ATG2A: variants seen among roughly 807,000 people sequenced by gnomAD.
The protein encoded by ATG2A is autophagy related 2A.
ATG2A carries 103 observed loss-of-function variants against 214.2 expected under a neutral mutation model. The ratio of observed to expected loss-of-function variants is 0.48; its 90% CI spans 0.41 to 0.57. The LOEUF (loss-of-function observed/expected upper bound fraction) is 0.57, where lower values mean the gene tolerates loss of function less well. Among genes scored for constraint, ATG2A ranks in the 20% least tolerant of loss-of-function variants. The pLI is 0.00. For synonymous variants in ATG2A, 1,160 were observed against 1,142.1 expected, an observed-to-expected ratio of 1.02 and a Z score of -0.32; for missense variants, 2,312 against 2,613.2, an observed-to-expected ratio of 0.88 and a Z score of 2.51.
At chr11:64,914,646 C>A in intron 1 of ATG2A, 146 bp from the exon 2 acceptor site, 1 of 1,094,872 alleles carries the variant, frequency 9.1e-7, no homozygotes, top group East Asian at 2.6e-5. Context: ...CACCTATGCT[C>A]ATGCTGTCCC....
chr11:64,899,105 A>G (rs562973493), intron 31 of ATG2A, among the ~76,000 whole-genome samples: 1 of 152,190 alleles, frequency 6.6e-6, no homozygotes, highest in East Asian at 1.9e-4. Flanking sequence ...GGGTTTCACA[A>G]CGTTGGCCAG....
Position 64,909,915 on chromosome 11 carries a change from G to C in ATG2A, c.1873C>G (p.Leu625Val), listed in dbSNP as rs1339708354. The C allele has an allele frequency of 1.9e-6, 3 of 1,601,834 alleles. No homozygotes were observed. The East Asian group carries it at 6.7e-5, about 36-fold the overall frequency. The change falls in exon 14 of 41, where the codon CTG becomes GTG. Residue 625 changes from leucine to valine, a missense_variant. Transcript: ENST00000377264. ...ACCGTCTGCTGCTCCATCGCCGGCA[G>C]GGGCTCTGTCTGCAGGAGGATTGGG... The part of the protein sequence containing the change: ...EPPAGLLTEP[L>V]PAMEQQTVFR...
In ATG2A at chr11:64,894,643, C is replaced by T. The variant is rs993558166; in HGVS notation, c.*330G>A. The T allele has an allele frequency of 1.4e-5, 9 of 625,154 alleles. No individual in the cohort carries two copies. Among genetic ancestry groups the T allele is most frequent in the Non-Finnish European group, 2.4e-5 (8 of 334,650 alleles). 38.7% of individuals were successfully genotyped at this position (625,154 alleles called of 1,614,324 possible). A position where few individuals can be genotyped will look rare whatever the true frequency, so the allele number is the denominator to read the frequency against. On this transcript the variant is annotated 3_prime_UTR_variant, in exon 41 of 41. Coordinates refer to ENST00000377264, the MANE Select transcript of ATG2A (RefSeq NM_015104.3). ...CGAACCACACGGATATCATCCCCTCCTCCCCCCAGACACAGAAAGACACTT... is the reference window on the plus strand; with the variant it reads ...CGAACCACACGGATATCATCCCCTCTTCCCCCCAGACACAGAAAGACACTT...
rs372583180 is a variant in ATG2A at position 64,902,013 on chromosome 11, G to A, written c.4068C>T (p.Thr1356=). 2.5e-5 allele frequency: 40 copies of A among 1,613,700 alleles called. No homozygotes were observed. Among genetic ancestry groups the A allele is most frequent in the Non-Finnish European group, 2.8e-5 (33 of 1,180,012 alleles). Residue 1356 remains threonine (T), a synonymous_variant, in exon 29 of 41, where the codon ACC becomes ACT. Coordinates refer to ENST00000377264, the MANE Select transcript of ATG2A (RefSeq NM_015104.3). ...GGATGCAGAACTCATCACTGTCCAG[G>A]GTGTCTCCATCGCCCTCCTCTTCCC... is the stretch of plus-strand genomic sequence containing the variant. ...DEREEEGDGD[T]LDSDEFCILD...
intron 16 of ATG2A, among the ~76,000 whole-genome samples, 182 bp from the exon 17 acceptor site, chr11:64,908,072 A>G (rs1251446480): frequency 8.5e-5 from 13 of 152,200 alleles, no homozygotes; most frequent in Admixed American, 8.5e-4. Flanking sequence ...GTGCTGTTCT[A>G]AGGGCTTCAG....
chr11:64,898,072 G>T lies in ATG2A; in HGVS notation c.4858+14C>A, dbSNP rs767409080. 2.5e-6 allele frequency: 4 copies of T among 1,613,422 alleles called. No individual in the cohort carries two copies. The highest frequency in any genetic ancestry group is 3.4e-6 in the Non-Finnish European group (4 of 1,179,818). On this transcript the variant is annotated intron_variant, in intron 34 of 40. Transcript: ENST00000377264. The surrounding 1 kb of genome is among the most constrained non-coding windows in gnomAD (Gnocchi z 4.5). ...GAAGGCCCAGACGCTCCCCTCCCTG[G>T]CCCAGCCTCTCACCCTCAGCGGAGG...
In ATG2A at chr11:64,907,400, T is replaced by A; in HGVS notation, c.2687A>T (p.Asp896Val). ...CACTGAGAAGAAGTGGGCATCCTCG[T>A]CATCCGAGTCCGAGTCTGGGGTGAG... ...FDLTPDSDSD[D>V]EDAHFFSVGA... The change falls in exon 19 of 41, where the codon GAC (aspartate) becomes GTC (valine). Residue 896 changes from aspartate (D) to valine (V), a missense_variant. Asp to Val is a radical substitution (Grantham distance 152). Transcript: ENST00000377264. 1 of 1,581,830 alleles carries A rather than the reference T, an allele frequency of 6.3e-7. No homozygotes were observed. Among genetic ancestry groups the A allele is most frequent in the Non-Finnish European group, 8.6e-7 (1 of 1,163,996 alleles).
At position 64,898,261 on chromosome 11, in the gene ATG2A, C is replaced by T; in HGVS notation, c.4773G>A (p.Gln1591=). 1 of 1,613,840 alleles carries T rather than the reference C, an allele frequency of 6.2e-7. No individual in the cohort carries two copies. Among genetic ancestry groups the T allele is most frequent in the Non-Finnish European group, 8.5e-7 (1 of 1,179,848 alleles). ...CTCTGCCCTCACGTAGACCACTCAC[C>T]TGGTCCACATTGAGCCGCAGGGGCA... ...SLMPLRLNVD[Q]DALFFLKDFF... Residue 1591 remains glutamine (Q), a splice_region_variant and synonymous_variant, in exon 33 of 41, where the codon CAG becomes CAA. Coordinates refer to ENST00000377264, the MANE Select transcript of ATG2A (RefSeq NM_015104.3). This position sits in a 1 kb window ranked among gnomAD's most constrained non-coding sequence, Gnocchi z 4.5.
At chr11:64,915,464 G>T (rs1944943579) in intron 1 of ATG2A, among the ~76,000 whole-genome samples, 1 of 152,184 alleles carries the variant, frequency 6.6e-6, no homozygotes, top group Admixed American at 6.5e-5. Context: ...ACTGAGACTG[G>T]GATGCGGGCC....
At position 64,909,783 on chromosome 11, in the gene ATG2A, G is replaced by A. The variant is rs762893413; in HGVS notation, c.2005C>T (p.Leu669Phe). The stretch of plus-strand genomic sequence containing the variant: ...TGGGGCTCACTCAGCTCCAGCCGAA[G>A]CTGCTCAGCCCGCACGGCCTGGCCC... The part of the protein sequence containing the change: ...WAGQAVRAEQ[L>F]RLELSEPQFR... Residue 669 changes from leucine (L) to phenylalanine (F), a missense_variant, in exon 14 of 41, where the codon CTT (leucine) becomes TTT (phenylalanine). Coordinates refer to ENST00000377264, the MANE Select transcript of ATG2A (RefSeq NM_015104.3). 6.2e-7 allele frequency: 1 copy of A among 1,612,500 alleles called. No homozygotes were observed. The highest frequency in any genetic ancestry group is 1.3e-5 in the African/African-American group (1 of 74,950).
chr11:64,894,649 CCAGA>C lies in ATG2A; in HGVS notation c.*320_*323del. 1 of 635,052 alleles carries C rather than the reference CCAGA, an allele frequency of 1.6e-6. No individual in the cohort carries two copies. Among genetic ancestry groups the C allele is most frequent in the East Asian group, 3.2e-5 (1 of 31,240 alleles). The allele number at this position is 635,052 out of a possible 1,614,324, so 39.3% of individuals were successfully genotyped here. On this transcript the variant is annotated 3_prime_UTR_variant, in exon 41 of 41. Transcript: ENST00000377264. ...ACACGGATATCATCCCCTCCTCCCC[CCAGA>C]CACAGAAAGACACTTGGCTGAGTGG... is the stretch of plus-strand genomic sequence containing the variant.
rs752879310 is a variant in ATG2A at position 64,912,352 on chromosome 11, T to C, written c.897A>G (p.Glu299=). ...LTPRQLQQLQ[E]LLSAVSLTDH... is the part of the protein sequence containing the mutation. ...CTGTAAGGCTCACGGCGCTGAGCAG[T>C]TCCTGAAGTTGCTGGAGCTGCCTCG... Residue 299 remains glutamate (E), a synonymous_variant, in exon 7 of 41, where the codon GAA becomes GAG. Transcript: ENST00000377264. The C allele has an allele frequency of 2.6e-6, 4 of 1,567,754 alleles. No individual in the cohort carries two copies. The highest frequency in any genetic ancestry group is 3.5e-6 in the Non-Finnish European group (4 of 1,156,250).
In ATG2A at chr11:64,897,439, T is replaced by C. The variant is rs143217841; in HGVS notation, c.5123A>G (p.Lys1708Arg). The change falls in exon 37 of 41, where the codon AAG becomes AGG. Residue 1708 changes from lysine (K) to arginine (R), a missense_variant. Physicochemically the swap from Lys to Arg is conservative, Grantham distance 26. Coordinates refer to ENST00000377264, the MANE Select transcript of ATG2A (RefSeq NM_015104.3). ...GTGCCTGCAACAGAGCCGCTTTAGC[T>C]TCAGCTCGGAGCAGTTGAGTTGGGC... ...GLAQLNCSEL[K>R]LKRLCCRHGL... 8 of 1,571,584 alleles carry C rather than the reference T, an allele frequency of 5.1e-6. No homozygotes were observed. The highest frequency in any genetic ancestry group is 6.9e-6 in the Non-Finnish European group (8 of 1,158,216).
In ATG2A at chr11:64,913,579, TCCTCAGAC is replaced by T. The variant is rs1944864008; in HGVS notation, c.591-186_591-179del. ...CCCGGAGGCTCAGGCCAGCCCTTGC[TCCTCAGAC>T]CCTCAGCATCTAACTTGGTTCTTGG... On this transcript the variant is annotated intron_variant, in intron 4 of 40. Transcript: ENST00000377264. This position sits in a 1 kb window ranked among gnomAD's most constrained non-coding sequence, Gnocchi z 4.3. 5 of 916,794 alleles carry T rather than the reference TCCTCAGAC, an allele frequency of 5.5e-6. No homozygotes were observed. Among genetic ancestry groups the T allele is most frequent in the African/African-American group, 1.7e-5 (1 of 59,688 alleles). 56.8% of individuals were successfully genotyped at this position (916,794 alleles called of 1,614,324 possible).
intron 24 of ATG2A, among the ~76,000 whole-genome samples, chr11:64,904,019 G>A (rs1455998979): frequency 6.6e-6 from 1 of 152,216 alleles, no homozygotes; most frequent in Non-Finnish European, 1.5e-5. Flanking sequence ...GCTGAGGCAG[G>A]CGGATCACCT....
Position 64,913,159 on chromosome 11 carries a change from A to T in ATG2A, c.727-23T>A. Reference sequence around the variant, plus strand: ...TTCCTGGGAGACGGGAGGATACAAGAGGGAAAGGTTGAGAAAATGGAGTCA... The same window carrying T: ...TTCCTGGGAGACGGGAGGATACAAGTGGGAAAGGTTGAGAAAATGGAGTCA... On this transcript the variant is annotated intron_variant, in intron 5 of 40. Transcript: ENST00000377264. The surrounding 1 kb of genome is among the most constrained non-coding windows in gnomAD (Gnocchi z 4.3). 6.3e-7 allele frequency: 1 copy of T among 1,593,858 alleles called. No homozygotes were observed. Among genetic ancestry groups the T allele is most frequent in the Non-Finnish European group, 8.6e-7 (1 of 1,168,510 alleles).
In ATG2A at chr11:64,909,780, G is replaced by A. The variant is rs1280384777; in HGVS notation, c.2008C>T (p.Arg670Trp). 17 of 1,612,516 alleles carry A rather than the reference G, an allele frequency of 1.1e-5. No homozygotes were observed. Among genetic ancestry groups the A allele is most frequent in the Non-Finnish European group, 1.4e-5 (16 of 1,179,942 alleles). Residue 670 changes from arginine to tryptophan, a missense_variant, in exon 14 of 41, where the codon CGG (arginine) becomes TGG (tryptophan). Transcript: ENST00000377264. The stretch of plus-strand genomic sequence containing the variant: ...AACTGGGGCTCACTCAGCTCCAGCC[G>A]AAGCTGCTCAGCCCGCACGGCCTGG... ...AGQAVRAEQL[R>W]LELSEPQFRS...
At chr11:64,904,158 A>G (rs897144771) in intron 24 of ATG2A, among the ~76,000 whole-genome samples, 2 of 152,024 alleles carry the variant, frequency 1.3e-5, no homozygotes, top group African/African-American at 2.4e-5. Context: ...AGGCAGGAGA[A>G]TCTCTTGAAC....
At position 64,910,053 on chromosome 11, in the gene ATG2A, G is replaced by T; in HGVS notation, c.1850C>A (p.Pro617Gln). 6.3e-7 allele frequency: 1 copy of T among 1,588,634 alleles called. No individual in the cohort carries two copies. The highest frequency in any genetic ancestry group is 8.6e-7 in the Non-Finnish European group (1 of 1,168,516). The part of the protein sequence containing the change: ...LRLATVPAEP[P>Q]AGLLTEPLPA... ...GGGGCCTCTCACCAGCAGGCCGGCT[G>T]GAGGCTCAGCAGGTACGGTGGCCAG... Residue 617 changes from proline to glutamine, a missense_variant, in exon 13 of 41, where the codon CCA becomes CAA. Transcript: ENST00000377264.
Sources: allele counts gnomAD v4.1 joint callset (sites outside exome capture counted in the v4.1 genomes callset), GRCh38; gene constraint gnomAD v4.1.1; non-coding constraint Gnocchi (gnomAD v3.1); transcripts MANE v1.5; gene names NCBI Gene and HGNC (gene_info 2026-07-23, HGNC 2026-07-21).